The following VPS53 variants were observed in gnomAD, a reference collection of about 807,000 sequenced individuals.
The protein encoded by VPS53 is VPS53 subunit of GARP complex.
In VPS53, 70 loss-of-function variants were observed where a neutral mutation model predicts 107.0. The ratio of observed to expected loss-of-function variants is 0.65; its 90% CI spans 0.54 to 0.80. The LOEUF is 0.80. Among genes scored for constraint, VPS53 ranks in the 30% least tolerant of loss-of-function variants. The pLI is 0.00. For missense variants in VPS53, 917 were observed against 1,049.4 expected (o/e 0.87, Z 1.74); for synonymous variants, 409 against 393.3 (o/e 1.04, Z -0.47).
chr17:532,802 A>C (rs760743593), intron 19 of VPS53, 40 bp downstream of exon 19: 3 of 1,610,822 alleles, frequency 1.9e-6, no homozygotes, highest in Non-Finnish European at 2.5e-6. Flanking sequence ...ATCTACAACA[A>C]AAGCTGCCAG....
rs1019196764 is a variant in VPS53, at chr17:510,940, T to G, written c.*8188A>C. 2 of 152,092 alleles carry G rather than the reference T, an allele frequency of 1.3e-5. No individual in the cohort carries two copies. Among genetic ancestry groups the G allele is most frequent in the African/African-American group, 4.8e-5 (2 of 41,294 alleles). 9.4% of individuals were successfully genotyped at this position (152,092 alleles called of 1,614,324 possible). ...GCTGTGGGGGACTCTGTGTGTAAACTGATGTTTCTTTGTATAGCATTTGAT... is the reference window on the plus strand; with the variant it reads ...GCTGTGGGGGACTCTGTGTGTAAACGGATGTTTCTTTGTATAGCATTTGAT... On this transcript the variant is annotated 3_prime_UTR_variant, in exon 22 of 22. Coordinates refer to ENST00000437048, the MANE Select transcript of VPS53 (RefSeq NM_001128159.3).
rs549089298 is a variant in VPS53 at position 586,252 on chromosome 17, C to A, written c.1313+18G>T. The stretch of plus-strand genomic sequence containing the variant: ...GGCGAGAAATGCAGGCAGAAAACAG[C>A]GAATGTTCCTCACTCACTTGTCTTG... On this transcript the variant is annotated intron_variant, in intron 13 of 21. Transcript: ENST00000437048. The A allele has an allele frequency of 6.2e-7, 1 of 1,611,070 alleles. No homozygotes were observed. Among genetic ancestry groups the A allele is most frequent in the Admixed American group, 1.7e-5 (1 of 59,982 alleles).
rs79363175 is a variant in VPS53 at position 697,665 on chromosome 17, T to C, written c.219-181A>G. 7.3e-3 allele frequency among the ~76,000 whole-genome samples: 1,102 copies of C among 151,890 alleles called. 17 individuals are homozygous for C. Among genetic ancestry groups the C allele is most frequent in the East Asian group, 0.056 (289 of 5,190 alleles). ...AGGGCAGCGACAGCCGTGCGGGAAG[T>C]CAAGCCCAGTGCAGGCTGATGCATC... On this transcript the variant is annotated intron_variant, in intron 3 of 21. Transcript: ENST00000437048.
intron 18 of VPS53, among the ~76,000 whole-genome samples, chr17:533,538 G>A (rs1189850242): frequency 6.6e-6 from 1 of 152,094 alleles, no homozygotes; most frequent in Non-Finnish European, 1.5e-5. Context: ...CTGCTCCCTC[G>A]CCTGGACTGC....
intron 13 of VPS53, among the ~76,000 whole-genome samples, chr17:573,038 AAAAAT>A (rs374282090): frequency 6.6e-6 from 1 of 152,184 alleles, no homozygotes; most frequent in African/African-American, 2.4e-5. Flanking sequence ...AAATAAAAAT[AAAAAT>A]AAAATAAAAT....
chr17:609,649 A>AGAACAGAAAGGAAGAG (rs1968750399), intron 11 of VPS53, among the ~76,000 whole-genome samples: 2 of 152,222 alleles, frequency 1.3e-5, no homozygotes, highest in African/African-American at 2.4e-5. Flanking sequence ...TGCATTTGGA[A>AGAACAGAAAGGAAGAG]GAACAGAAAG....
At chr17:585,339 A>T (rs962450482) in intron 13 of VPS53, among the ~76,000 whole-genome samples, 3 of 152,192 alleles carry the variant, frequency 2.0e-5, no homozygotes, top group Admixed American at 2.0e-4. Context: ...GCCAGTACAC[A>T]CTGAGGTCGT....
Position 623,638 on chromosome 17 carries a change from C to T in VPS53, c.1011G>A (p.Lys337=), listed in dbSNP as rs1445069441. The change falls in exon 11 of 22, where the codon AAG becomes AAA. Residue 337 remains lysine (K), a synonymous_variant. Coordinates refer to ENST00000437048, the MANE Select transcript of VPS53 (RefSeq NM_001128159.3). ...AAAGAAGCAATTTCACTTCAATTTC[C>T]TTCGCTCTGGTACGCATAATCTTGG... The part of the protein sequence containing the change: ...ELAKIMRTRA[K]EIEVKLLLFA... 1 of 1,613,890 alleles carries T rather than the reference C, an allele frequency of 6.2e-7. No individual in the cohort carries two copies. Among genetic ancestry groups the T allele is most frequent in the Non-Finnish European group, 8.5e-7 (1 of 1,179,822 alleles).
In VPS53 at chr17:674,707, G is replaced by C. The variant is rs182325516; in HGVS notation, c.286-12812C>G. ...AATTCCTTATGAATCAGCCTTCCAG[G>C]CTCCACAGCAAAACAGGTGGCTCCC... On this transcript the variant is annotated intron_variant, in intron 4 of 21. Coordinates refer to ENST00000437048, the MANE Select transcript of VPS53 (RefSeq NM_001128159.3). 145 of 152,332 alleles carry C rather than the reference G, an allele frequency of 9.5e-4. 2 individuals carry two copies. Among genetic ancestry groups the C allele is most frequent in the African/African-American group, 3.4e-3 (142 of 41,552 alleles). The allele number at this position is 152,332 out of a possible 1,614,324, so 9.4% of individuals were successfully genotyped here.
Position 517,829 on chromosome 17 carries a change from G to A in VPS53, c.*1299C>T, listed in dbSNP as rs555275316. The A allele has an allele frequency of 3.6e-4, 59 of 162,670 alleles. No individual in the cohort carries two copies. Among genetic ancestry groups the A allele is most frequent in the African/African-American group, 1.4e-3 (58 of 42,006 alleles). 10.1% of individuals were successfully genotyped at this position (162,670 alleles called of 1,614,324 possible). ...AGCCACCACACCCAGCCAATTTTTT[G>A]TATTTTTGGTTTTGCCAGGTTGCCC... On this transcript the variant is annotated 3_prime_UTR_variant, in exon 22 of 22. Coordinates refer to ENST00000437048, the MANE Select transcript of VPS53 (RefSeq NM_001128159.3).
chr17:633,966 C>A (rs1970077073), intron 7 of VPS53, among the ~76,000 whole-genome samples: 1 of 152,304 alleles, frequency 6.6e-6, no homozygotes, highest in African/African-American at 2.4e-5. Flanking sequence ...CACACAGCAC[C>A]AGTTCCCTCC....
At position 710,566 on chromosome 17, in the gene VPS53, A is replaced by G. The variant is rs1597518417; in HGVS notation, c.135T>C (p.Val45=). ...TTGGGAACAGGGTATTGATATACTC[A>G]ACAGCATTGAAATCTGCTCGATCTA... is the stretch of plus-strand genomic sequence containing the variant. ...DPLDRADFNA[V]EYINTLFPTE... The change falls in exon 2 of 22, where the codon GTT becomes GTC. Residue 45 remains valine (V), a synonymous_variant. Coordinates refer to ENST00000437048, the MANE Select transcript of VPS53 (RefSeq NM_001128159.3). The G allele has an allele frequency of 6.2e-7, 1 of 1,614,134 alleles. No individual in the cohort carries two copies. The highest frequency in any genetic ancestry group is 8.5e-7 in the Non-Finnish European group (1 of 1,180,002).
chr17:708,811 G>A (rs1173164933), intron 2 of VPS53, among the ~76,000 whole-genome samples: 1 of 152,114 alleles, frequency 6.6e-6, no homozygotes, highest in Non-Finnish European at 1.5e-5. Flanking sequence ...ATGAAACAAA[G>A]ATTAATACTA....
chr17:553,719 C>T (rs979092478), intron 15 of VPS53, among the ~76,000 whole-genome samples: 4 of 151,680 alleles, frequency 2.6e-5, no homozygotes, highest in Non-Finnish European at 4.4e-5. Flanking sequence ...TACAGGCGTG[C>T]GCTACCACAC....
intron 13 of VPS53, among the ~76,000 whole-genome samples, chr17:578,403 C>A (rs923795995): frequency 6.6e-6 from 1 of 151,220 alleles, no homozygotes; most frequent in African/African-American, 2.4e-5. Flanking sequence ...AGTGCGTTTC[C>A]AGAGAAGCTC....
intron 19 of VPS53, among the ~76,000 whole-genome samples, chr17:529,467 A>G (rs1909371015): frequency 6.6e-6 from 1 of 152,130 alleles, no homozygotes; most frequent in Non-Finnish European, 1.5e-5. Flanking sequence ...TTGATACAGT[A>G]ATTAGGATTG....
intron 8 of VPS53, among the ~76,000 whole-genome samples, chr17:629,115 A>AT (rs1969836040): frequency 6.6e-6 from 1 of 152,182 alleles, no homozygotes; most frequent in Non-Finnish European, 1.5e-5. Flanking sequence ...CTAAATCTTT[A>AT]TTTTTTGTCA....
intron 5 of VPS53, chr17:656,700 ATGTGTGTG>A (rs34123743): frequency 0.03 from 15,763 of 532,244 alleles, no homozygotes; most frequent in Non-Finnish European, 0.037. Context: ...TGACTAAGAA[ATGTGTGTG>A]TGTGTGTGTG....
chr17:625,072 AC>A (rs1447049732), intron 10 of VPS53, among the ~76,000 whole-genome samples: 1 of 150,862 alleles, frequency 6.6e-6, no homozygotes, highest in Admixed American at 6.6e-5. Context: ...GCCTACTGCA[AC>A]CTTGACCTGG....
Sources: gnomAD v4.1 joint callset for allele counts (sites outside exome capture counted in the v4.1 genomes callset) on GRCh38, gnomAD v4.1.1 for gene constraint, MANE v1.5 for transcripts, NCBI Gene and HGNC (gene_info 2026-07-23, HGNC 2026-07-21) for gene names.